Variants in CCDC138 observed in about 807,000 individuals in gnomAD.
The protein encoded by CCDC138 is coiled-coil domain-containing protein 138.
Under a neutral mutation model 82.3 loss-of-function variants are expected in CCDC138, and 66 were observed. The ratio of observed to expected loss-of-function variants is 0.80; its 90% CI spans 0.66 to 0.98. The LOEUF (loss-of-function observed/expected upper bound fraction) is 0.98, where lower values mean the gene tolerates loss of function less well. Ranked by LOEUF, CCDC138 falls within the 50% of genes least tolerant of loss-of-function variation. The pLI, the probability that CCDC138 is intolerant of heterozygous loss-of-function variation, is 0.00. For missense variants in CCDC138, 816 were observed against 758.9 expected (o/e 1.08, Z -0.88); for synonymous variants, 297 against 265.4 (o/e 1.12, Z -1.16).
At chr2:108,804,140 G>A (rs988082760) in intron 6 of CCDC138, among the ~76,000 whole-genome samples, 4 of 151,694 alleles carry the variant, frequency 2.6e-5, no homozygotes, top group South Asian at 2.1e-4. Context: ...TATTTTCATC[G>A]TATTTATATC....
At chr2:108,788,711 C>A (rs1259580497) in intron 2 of CCDC138, 141 bp from the exon 3 acceptor site, 9 of 1,188,736 alleles carry the variant, frequency 7.6e-6, no homozygotes, top group Non-Finnish European at 1.0e-5. Context: ...CAGAGCGAGA[C>A]TCCGTCTCAA....
At chr2:108,804,587 T>C (rs1682522301) in intron 6 of CCDC138, among the ~76,000 whole-genome samples, 1 of 152,204 alleles carries the variant, frequency 6.6e-6, no homozygotes, top group Non-Finnish European at 1.5e-5. Context: ...AGAAAATATT[T>C]CCATGAGTTT....
intron 10 of CCDC138, among the ~76,000 whole-genome samples, chr2:108,818,405 A>G (rs1574054759): frequency 6.6e-6 from 1 of 152,240 alleles, no homozygotes; most frequent in African/African-American, 2.4e-5. Flanking sequence ...CTCAGGATTC[A>G]TTTTAACATC....
intron 13 of CCDC138, among the ~76,000 whole-genome samples, chr2:108,872,352 C>G (rs1365568002): frequency 1.3e-5 from 2 of 152,190 alleles, no homozygotes. Flanking sequence ...ACCACATACA[C>G]ATACCTCGGT....
At chr2:108,810,263 G>T (rs541233809) in intron 7 of CCDC138, among the ~76,000 whole-genome samples, 2 of 152,294 alleles carry the variant, frequency 1.3e-5, no homozygotes, top group Admixed American at 6.5e-5. Flanking sequence ...TGTTCAGTAT[G>T]ATGTTAATTG....
intron 7 of CCDC138, among the ~76,000 whole-genome samples, chr2:108,807,912 C>G (rs753466364): frequency 1.4e-4 from 21 of 152,154 alleles, no homozygotes; most frequent in Non-Finnish European, 2.8e-4. Context: ...CCCAGCCCCT[C>G]CTATCCAGTT....
chr2:108,839,535 A>G (rs934867838), intron 11 of CCDC138, among the ~76,000 whole-genome samples: 3 of 152,134 alleles, frequency 2.0e-5, no homozygotes, highest in Non-Finnish European at 4.4e-5. Context: ...ATGTCTGTCC[A>G]CTTATTTAGA....
At chr2:108,845,873 A>G (rs1458496342) in intron 11 of CCDC138, among the ~76,000 whole-genome samples, 6 of 152,120 alleles carry the variant, frequency 3.9e-5, no homozygotes, top group African/African-American at 1.4e-4. Context: ...GCCCAGCCTC[A>G]TTTTATTCTT....
intron 13 of CCDC138, among the ~76,000 whole-genome samples, chr2:108,865,514 C>CT (rs1262065278): frequency 2.0e-5 from 3 of 152,210 alleles, no homozygotes; most frequent in South Asian, 2.1e-4. Context: ...AATTACCTCT[C>CT]TAAGTCTTCA....
intron 10 of CCDC138, among the ~76,000 whole-genome samples, chr2:108,832,072 C>G (rs954939201): frequency 3.3e-5 from 5 of 151,900 alleles, no homozygotes; most frequent in Non-Finnish European, 5.9e-5. Flanking sequence ...CTCTGTCGCC[C>G]AGGCTGGAGT....
chr2:108,808,329 A>C (rs1366611496), intron 7 of CCDC138, among the ~76,000 whole-genome samples: 1 of 152,216 alleles, frequency 6.6e-6, no homozygotes, highest in Non-Finnish European at 1.5e-5. Flanking sequence ...ATGGGAGTGC[A>C]GATATCTCTT....
At chr2:108,861,540 G>A (rs896975838) in intron 13 of CCDC138, among the ~76,000 whole-genome samples, 5 of 146,112 alleles carry the variant, frequency 3.4e-5, no homozygotes, top group Non-Finnish European at 7.4e-5. Context: ...GAGTGCAGTG[G>A]CATGATCTTG....
intron 12 of CCDC138, among the ~76,000 whole-genome samples, chr2:108,850,439 GT>G (rs983456857): frequency 4.0e-5 from 6 of 151,738 alleles, no homozygotes; most frequent in African/African-American, 1.5e-4. Flanking sequence ...TACTTGGCGA[GT>G]TTTTTTTGTT....
rs1206211791 is a variant in CCDC138 at position 108,816,080 on chromosome 2, A to G, written c.1181A>G (p.Asn394Ser). 13 of 1,612,030 alleles carry G rather than the reference A, an allele frequency of 8.1e-6. No homozygotes were observed. The highest frequency in any genetic ancestry group is 1.0e-5 in the Non-Finnish European group (12 of 1,178,868). The change falls in exon 10 of 15, where the codon AAT becomes AGT. Residue 394 changes from asparagine (N) to serine (S), a missense_variant. Coordinates refer to ENST00000295124, the MANE Select transcript of CCDC138 (RefSeq NM_144978.3). Reference protein sequence around the residue: ...KPQLKFASQRNDIQEKCVKLL... With the variant: ...KPQLKFASQRSDIQEKCVKLL... Reference sequence around the variant, plus strand: ...CAACTCAAATTTGCTTCCCAGAGAAATGATATTCAGGAGAAGTGTGTAAAG... The same window carrying G: ...CAACTCAAATTTGCTTCCCAGAGAAGTGATATTCAGGAGAAGTGTGTAAAG...
rs552032876 is a variant in CCDC138 at position 108,806,758 on chromosome 2, T to C, written c.855+1750T>C. ...TGAAGAAAAAGATATGTTATTTCTG[T>C]GACTGACTTACATAGTAATTTATGC... On this transcript the variant is annotated intron_variant, in intron 7 of 14. Transcript: ENST00000295124. 2.6e-5 allele frequency among the ~76,000 whole-genome samples: 4 copies of C among 152,358 alleles called. No individual in the cohort carries two copies. The East Asian group carries it at 7.7e-4, about 29-fold the overall frequency.
downstream of CCDC138, among the ~76,000 whole-genome samples, chr2:108,880,611 C>A (rs888695594): frequency 2.0e-5 from 3 of 152,096 alleles, no homozygotes; most frequent in Non-Finnish European, 4.4e-5. Flanking sequence ...TCTGTAAATC[C>A]TAGGGCCCTT....
At chr2:108,796,528 C>T (rs533307679) in intron 5 of CCDC138, among the ~76,000 whole-genome samples, 17 of 152,292 alleles carry the variant, frequency 1.1e-4, no homozygotes, top group African/African-American at 4.1e-4. Context: ...TACCTGCACT[C>T]CCTTGTTCAT....
At chr2:108,820,497 A>G (rs982325861) in intron 10 of CCDC138, among the ~76,000 whole-genome samples, 1 of 152,000 alleles carries the variant, frequency 6.6e-6, no homozygotes, top group Non-Finnish European at 1.5e-5. Context: ...AACTCAAGGA[A>G]CTCCAGAGAG....
Position 108,813,248 on chromosome 2 carries a change from CAAAAAAAAAAAAA to C in CCDC138, c.1041+333_1041+345del, listed in dbSNP as rs371435296. Reference sequence around the variant, plus strand: ...TGGGCGACAGAGTGAGACTCCGTCTCAAAAAAAAAAAAAAAAAAAAAAAAGAAAATTTCTCCAA... The same window carrying C: ...TGGGCGACAGAGTGAGACTCCGTCTCAAAAAAAAAAAGAAAATTTCTCCAA... On this transcript the variant is annotated intron_variant, in intron 9 of 14. Coordinates refer to ENST00000295124, the MANE Select transcript of CCDC138 (RefSeq NM_144978.3). Among the ~76,000 whole-genome samples the C allele has an allele frequency of 4.0e-3, 254 of 63,564 alleles. 4 individuals carry two copies. Among genetic ancestry groups the C allele is most frequent in the African/African-American group, 0.018 (245 of 13,624 alleles). 41.7% of individuals were successfully genotyped at this position (63,564 alleles called of 152,430 possible). A position where few individuals can be genotyped will look rare whatever the true frequency, so the allele number is the denominator to read the frequency against.
Sources: allele counts gnomAD v4.1 joint callset (sites outside exome capture counted in the v4.1 genomes callset), GRCh38; gene constraint gnomAD v4.1.1; transcripts MANE v1.5; gene names NCBI Gene and HGNC (gene_info 2026-07-23, HGNC 2026-07-21).